VIPR2: variants seen among roughly 807,000 people sequenced by gnomAD.
VIPR2 encodes the protein vasoactive intestinal polypeptide receptor 2.
Under a neutral mutation model 58.0 loss-of-function variants are expected in VIPR2, and 48 were observed. The ratio of observed to expected loss-of-function variants is 0.83; its 90% CI spans 0.66 to 1.05. The LOEUF is 1.05. Among genes scored for constraint, VIPR2 ranks in the 50% least tolerant of loss-of-function variants. The probability of loss-of-function intolerance (pLI) is 0.00; values close to 1 mark genes in which losing one functional copy is unlikely to be tolerated. For synonymous variants in VIPR2, 243 were observed against 235.2 expected, an observed-to-expected ratio of 1.03 and a Z score of -0.30; for missense variants, 534 against 558.0, an observed-to-expected ratio of 0.96 and a Z score of 0.43.
chr7:159,107,148 T>C (rs1795785843), intron 3 of VIPR2, among the ~76,000 whole-genome samples: 1 of 152,184 alleles, frequency 6.6e-6, no homozygotes, highest in Non-Finnish European at 1.5e-5. Flanking sequence ...CACTGGGGGA[T>C]GTGCTGATGC....
chr7:159,060,351 T>C (rs1855577655), intron 4 of VIPR2, among the ~76,000 whole-genome samples: 2 of 149,102 alleles, frequency 1.3e-5, no homozygotes, highest in African/African-American at 2.5e-5. Flanking sequence ...CCAACCACCA[T>C]TCTCAATTCA....
At chr7:159,034,437 C>A in intron 9 of VIPR2, 133 bp from the exon 10 acceptor site, 1 of 1,264,824 alleles carries the variant, frequency 7.9e-7, no homozygotes, top group African/African-American at 1.5e-5. Flanking sequence ...TCTGGGGGTC[C>A]ACATGCCTGA....
intron 5 of VIPR2, among the ~76,000 whole-genome samples, chr7:159,055,139 T>C (rs2129493873): frequency 6.6e-6 from 1 of 152,188 alleles, no homozygotes; most frequent in Middle Eastern, 3.4e-3. Context: ...AGCAAGAAAA[T>C]AAAACATGGT....
intron 4 of VIPR2, among the ~76,000 whole-genome samples, chr7:159,092,890 C>T (rs767943189): frequency 6.6e-6 from 1 of 152,060 alleles, no homozygotes; most frequent in African/African-American, 2.4e-5. Context: ...TGGGCAGCAG[C>T]GTGGAGCTGC....
intron 7 of VIPR2, among the ~76,000 whole-genome samples, chr7:159,036,339 C>T (rs928730058): frequency 3.9e-5 from 6 of 152,252 alleles, no homozygotes; most frequent in Non-Finnish European, 7.3e-5. Flanking sequence ...CTATCGGCTA[C>T]GTTTGCCTCA....
intron 5 of VIPR2, among the ~76,000 whole-genome samples, chr7:159,047,172 T>G (rs1170253724): frequency 1.3e-5 from 2 of 151,966 alleles, no homozygotes; most frequent in Non-Finnish European, 2.9e-5. Context: ...GAGGCAGAGG[T>G]TGAGATTGAA....
intron 4 of VIPR2, among the ~76,000 whole-genome samples, chr7:159,100,502 T>C (rs72621132): frequency 0.37 from 55,079 of 147,462 alleles, 12,197 homozygotes; most frequent in African/African-American, 0.64. Flanking sequence ...CCACCTTATC[T>C]GCTGAACACA....
At chr7:159,048,359 G>A (rs1010475329) in intron 5 of VIPR2, among the ~76,000 whole-genome samples, 1 of 152,188 alleles carries the variant, frequency 6.6e-6, no homozygotes, top group Non-Finnish European at 1.5e-5. Context: ...GATATGAATA[G>A]TAAAGGGAAA....
At chr7:159,111,763 C>A (rs1230277926) in intron 2 of VIPR2, among the ~76,000 whole-genome samples, 1 of 152,032 alleles carries the variant, frequency 6.6e-6, no homozygotes, top group East Asian at 1.9e-4. Flanking sequence ...AATCTCAACA[C>A]TTTGGCAGGC....
rs181392972 is a variant in VIPR2 at position 159,136,023 on chromosome 7, T to A, written c.151+6423A>T. ...TGACCAAAGAGGTTCGAGTCCCAAGTCCCCTTCAGGAAGAGCTGCAGTCTG... is the reference window on the plus strand; with the variant it reads ...TGACCAAAGAGGTTCGAGTCCCAAGACCCCTTCAGGAAGAGCTGCAGTCTG... On this transcript the variant is annotated intron_variant, in intron 2 of 12. Transcript: ENST00000262178. 2.0e-5 allele frequency among the ~76,000 whole-genome samples: 3 copies of A among 152,146 alleles called. No homozygotes were observed. The East Asian group carries it at 5.8e-4, about 29-fold the overall frequency.
In VIPR2 at chr7:159,142,425, C is replaced by G. The variant is rs1199711431; in HGVS notation, c.151+21G>C. The G allele has an allele frequency of 6.9e-6, 11 of 1,597,490 alleles. No individual in the cohort carries two copies. The African/African-American group carries it at 1.1e-4, about 16-fold the overall frequency. ...GGTGAGAATGTCACGGGAGTTCTTA[C>G]TCACCAAGCCTCTGCCTTACCTTTG... On this transcript the variant is annotated intron_variant, in intron 2 of 12. Transcript: ENST00000262178.
rs3812307 is a variant in VIPR2, at chr7:159,127,915, G to A, written c.151+14531C>T. Among the ~76,000 whole-genome samples the A allele has an allele frequency of 0.15, 22,098 of 152,122 alleles. 1,696 individuals carry two copies. Among genetic ancestry groups the A allele is most frequent in the Non-Finnish European group, 0.16 (10,702 of 67,972 alleles). ...GTGAACATTCAAGGCCTCAAGGCAC[G>A]GGGAGTCCTGCCGTGCTATTCCAAG... On this transcript the variant is annotated intron_variant, in intron 2 of 12. Coordinates refer to ENST00000262178, the MANE Select transcript of VIPR2 (RefSeq NM_003382.5). The surrounding 1 kb of genome is among the most constrained non-coding windows in gnomAD (Gnocchi z 4.6).
chr7:159,030,256 T>C lies in VIPR2; in HGVS notation c.*360A>G, dbSNP rs1270628809. ...GCTATGGGAGGCTGAGGCAGGAGAA[T>C]GGCGTGAACCCGGGAGGCGGAGCTT... On this transcript the variant is annotated 3_prime_UTR_variant, in exon 13 of 13. Transcript: ENST00000262178. 2 of 210,442 alleles carry C rather than the reference T, an allele frequency of 9.5e-6. No homozygotes were observed. The highest frequency in any genetic ancestry group is 1.8e-5 in the Non-Finnish European group (2 of 112,990). The allele number at this position is 210,442 out of a possible 1,614,324, so 13.0% of individuals were successfully genotyped here.
intron 4 of VIPR2, among the ~76,000 whole-genome samples, chr7:159,077,526 A>C (rs1363744530): frequency 6.6e-6 from 1 of 150,676 alleles, no homozygotes; most frequent in Non-Finnish European, 1.5e-5. Context: ...GCCCTGTTCA[A>C]TGTCTTTGAG....
intron 4 of VIPR2, among the ~76,000 whole-genome samples, chr7:159,103,508 A>G (rs1412596660): frequency 6.6e-6 from 1 of 152,174 alleles, no homozygotes; most frequent in East Asian, 1.9e-4. Flanking sequence ...TCTCCCAGAC[A>G]CATACACAGC....
intron 2 of VIPR2, 68 bp downstream of exon 2, chr7:159,142,378 A>G: frequency 8.2e-7 from 1 of 1,222,576 alleles, no homozygotes; most frequent in Non-Finnish European, 1.2e-6. Context: ...CCTGAACCAC[A>G]GCTGAGTGAG....
intron 2 of VIPR2, among the ~76,000 whole-genome samples, chr7:159,111,364 C>T (rs148398129): frequency 2.6e-5 from 4 of 152,182 alleles, no homozygotes; most frequent in Non-Finnish European, 5.9e-5. Flanking sequence ...CTTTTTATCA[C>T]AAAATGACAA....
At chr7:159,109,217 C>T (rs1795892193) in intron 3 of VIPR2, among the ~76,000 whole-genome samples, 1 of 152,222 alleles carries the variant, frequency 6.6e-6, no homozygotes, top group Non-Finnish European at 1.5e-5. Flanking sequence ...ACAAACAAAA[C>T]CTTTCTCTCA....
intron 2 of VIPR2, chr7:159,116,863 T>A (rs117220587): frequency 0.014 from 2,150 of 158,002 alleles, 32 homozygotes; most frequent in Admixed American, 0.033. Flanking sequence ...AGACGCTGCC[T>A]TCTGTCCAGA....
Sources: gnomAD v4.1 joint callset for allele counts (sites outside exome capture counted in the v4.1 genomes callset) on GRCh38, gnomAD v4.1.1 for gene constraint, Gnocchi (gnomAD v3.1) non-coding constraint, MANE v1.5 for transcripts, NCBI Gene and HGNC (gene_info 2026-07-23, HGNC 2026-07-21) for gene names.